INSR: variants seen among roughly 807,000 people sequenced by gnomAD.
INSR encodes IR.
In INSR, 67 loss-of-function variants were observed where a neutral mutation model predicts 142.6. The observed-to-expected ratio is 0.47, with a 90% confidence interval of 0.39 to 0.58. The LOEUF (loss-of-function observed/expected upper bound fraction) is 0.58, where lower values mean the gene tolerates loss of function less well. INSR is among the 20% of genes least tolerant of loss of function. INSR has a pLI of 0.00. For missense variants in INSR, 1,248 were observed against 1,833.2 expected (o/e 0.68, Z 5.83); for synonymous variants, 756 against 743.1 (o/e 1.02, Z -0.28).
intron 9 of INSR, among the ~76,000 whole-genome samples, chr19:7,156,683 G>T (rs1338202954): frequency 6.6e-6 from 1 of 151,626 alleles, no homozygotes; most frequent in East Asian, 1.9e-4. Context: ...TTTCAAACAT[G>T]CATAGAAAAG....
intron 2 of INSR, among the ~76,000 whole-genome samples, chr19:7,237,235 C>G (rs1470471896): frequency 6.6e-6 from 1 of 151,690 alleles, no homozygotes; most frequent in African/African-American, 2.4e-5. Context: ...AACAAAAAAA[C>G]AGGCCAGACG....
intron 2 of INSR, among the ~76,000 whole-genome samples, 169 bp from the exon 3 acceptor site, chr19:7,184,806 C>T (rs1974386055): frequency 2.4e-5 from 3 of 122,776 alleles, no homozygotes; most frequent in Admixed American, 8.4e-5. Context: ...TACATCATTA[C>T]CCACATGTCA....
At chr19:7,227,163 A>C (rs1234125343) in intron 2 of INSR, among the ~76,000 whole-genome samples, 2 of 152,196 alleles carry the variant, frequency 1.3e-5, no homozygotes, top group Non-Finnish European at 2.9e-5. Context: ...GGTTATTTTC[A>C]ATAGGTTTGG....
chr19:7,126,204 C>A (rs915942626), intron 16 of INSR, among the ~76,000 whole-genome samples: 1 of 152,176 alleles, frequency 6.6e-6, no homozygotes, highest in Admixed American at 6.5e-5. Context: ...GACCACCCAG[C>A]CTACTGACCA....
Position 7,226,237 on chromosome 19 carries a change from C to G in INSR, c.652+41108G>C, listed in dbSNP as rs185946645. ...CCTGGCCAACATGGTGAAACCACAT[C>G]TCTACTAAAAATACAAAAAAAAATT... On this transcript the variant is annotated intron_variant, in intron 2 of 21. Transcript: ENST00000302850. Among the ~76,000 whole-genome samples, 318 of 150,846 alleles carry G rather than the reference C, an allele frequency of 2.1e-3. 3 individuals are homozygous for G. Among genetic ancestry groups the G allele is most frequent in the African/African-American group, 7.4e-3 (305 of 41,046 alleles).
chr19:7,188,870 C>CAAAAAA (rs10549803), intron 2 of INSR, among the ~76,000 whole-genome samples: 2 of 71,830 alleles, frequency 2.8e-5, no homozygotes, highest in African/African-American at 5.0e-5. Flanking sequence ...GACTCTATCT[C>CAAAAAA]AAAAAAAAAA....
At chr19:7,265,864 T>C (rs1967709696) in intron 2 of INSR, among the ~76,000 whole-genome samples, 1 of 152,198 alleles carries the variant, frequency 6.6e-6, no homozygotes, top group Non-Finnish European at 1.5e-5. Context: ...ATAAACATTT[T>C]AAGCTTCTCC....
At chr19:7,174,455 C>T in intron 4 of INSR, 128 bp downstream of exon 4, 4 of 1,041,522 alleles carry the variant, frequency 3.8e-6, no homozygotes, top group Non-Finnish European at 6.0e-6. Context: ...GGGGGAGCCA[C>T]TGAACGACCA....
intron 2 of INSR, among the ~76,000 whole-genome samples, chr19:7,194,040 G>A (rs142589547): frequency 6.6e-6 from 1 of 152,252 alleles, no homozygotes; most frequent in African/African-American, 2.4e-5. Flanking sequence ...AGTAAACAAT[G>A]TTATTGATCA....
At chr19:7,280,243 A>G (rs967413229) in intron 1 of INSR, among the ~76,000 whole-genome samples, 4 of 151,866 alleles carry the variant, frequency 2.6e-5, no homozygotes, top group Non-Finnish European at 5.9e-5. Flanking sequence ...CAGCCTGGGC[A>G]ACAGAGCGAG....
intron 2 of INSR, among the ~76,000 whole-genome samples, chr19:7,258,353 G>GCCAGAATCCCCAGCTTCAAA (rs1358166081): frequency 6.6e-6 from 1 of 150,662 alleles, no homozygotes; most frequent in African/African-American, 2.4e-5. Flanking sequence ...TGAGGTGGCA[G>GCCAGAATCCCCAGCTTCAAA]TGGCCTATGA....
intron 15 of INSR, among the ~76,000 whole-genome samples, chr19:7,128,305 A>G (rs1286863464): frequency 2.0e-5 from 3 of 150,534 alleles, no homozygotes; most frequent in African/African-American, 4.9e-5. Flanking sequence ...CTCCGCCACC[A>G]GGGTTCAGTA....
At chr19:7,223,949 AATT>A (rs894355998) in intron 2 of INSR, among the ~76,000 whole-genome samples, 3 of 128,756 alleles carry the variant, frequency 2.3e-5, no homozygotes, top group East Asian at 2.3e-4. Flanking sequence ...AACAAAAAAA[AATT>A]TTTTTTTTTT....
At chr19:7,134,883 T>C (rs1020069604) in intron 13 of INSR, among the ~76,000 whole-genome samples, 1 of 151,878 alleles carries the variant, frequency 6.6e-6, no homozygotes, top group African/African-American at 2.4e-5. Flanking sequence ...GTGGGAAACA[T>C]ACCCTGTGAT....
chr19:7,152,851 A>C lies in INSR; in HGVS notation c.2106T>G (p.Tyr702Ter), dbSNP rs1314347007. The change falls in exon 10 of 22, where the codon TAT becomes TAG. Residue 702 changes from tyrosine to a stop codon, truncating the protein, a stop_gained. Transcript: ENST00000302850. LOFTEE classifies it high-confidence loss of function. Reference protein sequence around the residue: ...EDSQKHNQSEYEDSAGECCSC... With the variant: ...EDSQKHNQSE ...AGCAGCATTCGCCGGCCGAATCCTCATACTCACTCTGGTTGTGCTTCTGAG... is the reference window on the plus strand; with the variant it reads ...AGCAGCATTCGCCGGCCGAATCCTCCTACTCACTCTGGTTGTGCTTCTGAG... The C allele has an allele frequency of 1.2e-6, 2 of 1,613,346 alleles. No individual in the cohort carries two copies. The highest frequency in any genetic ancestry group is 8.5e-7 in the Non-Finnish European group (1 of 1,179,954).
chr19:7,232,761 G>C (rs1309574372), intron 2 of INSR, among the ~76,000 whole-genome samples: 1 of 151,388 alleles, frequency 6.6e-6, no homozygotes, highest in Non-Finnish European at 1.5e-5. Flanking sequence ...AGTGAGCCGA[G>C]ATCCCGCCAC....
At chr19:7,124,774 G>A (rs1393308745) in intron 17 of INSR, among the ~76,000 whole-genome samples, 1 of 150,494 alleles carries the variant, frequency 6.6e-6, no homozygotes, top group Non-Finnish European at 1.5e-5. Context: ...TGGCAAGGAT[G>A]AAAGCACATA....
At chr19:7,287,778 A>G (rs750234392) in intron 1 of INSR, among the ~76,000 whole-genome samples, 1 of 152,188 alleles carries the variant, frequency 6.6e-6, no homozygotes, top group Non-Finnish European at 1.5e-5. Context: ...GGACTGCACA[A>G]GCTATTAGGC....
intron 2 of INSR, among the ~76,000 whole-genome samples, chr19:7,199,809 T>C (rs913191474): frequency 1.3e-5 from 2 of 150,826 alleles, no homozygotes; most frequent in African/African-American, 4.9e-5. Flanking sequence ...ACCCTGTCCC[T>C]GCCCTCCCAG....
Sources: allele counts gnomAD v4.1 joint callset (sites outside exome capture counted in the v4.1 genomes callset), GRCh38; gene constraint gnomAD v4.1.1; transcripts MANE v1.5; gene names NCBI Gene and HGNC (gene_info 2026-07-23, HGNC 2026-07-21).